RBFOX1: variants seen among roughly 807,000 people sequenced by gnomAD.
RBFOX1 encodes the protein RNA binding protein fox-1 homolog 1.
RBFOX1 carries 8 observed loss-of-function variants against 57.7 expected under a neutral mutation model. That is an observed-to-expected ratio of 0.14 (90% CI 0.08 to 0.25). RBFOX1 has a LOEUF of 0.25. RBFOX1 is among the 10% of genes least tolerant of loss of function. The probability of loss-of-function intolerance (pLI) is 1.00; values close to 1 mark genes in which losing one functional copy is unlikely to be tolerated. For missense variants in RBFOX1, 611 were observed against 548.5 expected (o/e 1.11, Z -1.14); for synonymous variants, 326 against 222.4 (o/e 1.47, Z -4.15).
At chr16:6,851,234 C>T (rs376078609) in intron 3 of RBFOX1, among the ~76,000 whole-genome samples, 3 of 152,096 alleles carry the variant, frequency 2.0e-5, no homozygotes, top group African/African-American at 7.2e-5. Flanking sequence ...GTTTAAAATT[C>T]TAGATATAGA....
At chr16:7,326,412 G>A (rs1016695665) in intron 4 of RBFOX1, among the ~76,000 whole-genome samples, 4 of 152,122 alleles carry the variant, frequency 2.6e-5, no homozygotes, top group Admixed American at 6.6e-5. Flanking sequence ...TTTACTGGGG[G>A]GATAATAGAA....
intron 4 of RBFOX1, among the ~76,000 whole-genome samples, chr16:7,084,639 T>A (rs1034974438): frequency 2.0e-4 from 30 of 152,338 alleles, no homozygotes; most frequent in South Asian, 6.2e-4. Context: ...TTCTTCAAAT[T>A]GAGCTTCAAA....
At chr16:7,218,081 G>GTGTC (rs2092393748) in intron 4 of RBFOX1, among the ~76,000 whole-genome samples, 1 of 55,018 alleles carries the variant, frequency 1.8e-5, no homozygotes, top group African/African-American at 9.1e-5. Context: ...GTGTGCGTCT[G>GTGTC]TGTGTGTGTG....
At chr16:6,829,902 C>G (rs1023922174) in intron 3 of RBFOX1, among the ~76,000 whole-genome samples, 1 of 148,060 alleles carries the variant, frequency 6.8e-6, no homozygotes, top group Admixed American at 6.7e-5. Context: ...ATGCCCAGCC[C>G]TTTATTTTTA....
At chr16:6,696,835 T>A (rs1191354501) in intron 3 of RBFOX1, among the ~76,000 whole-genome samples, 1 of 152,210 alleles carries the variant, frequency 6.6e-6, no homozygotes, top group East Asian at 1.9e-4. Context: ...TTGATTTTCT[T>A]CAAGGTTGTG....
At chr16:5,468,022 C>T (rs552746107) in intron 2 of RBFOX1, among the ~76,000 whole-genome samples, 14 of 152,096 alleles carry the variant, frequency 9.2e-5, no homozygotes, top group African/African-American at 1.9e-4. Flanking sequence ...TGTGGGGAGG[C>T]GGAATCTATG....
intron 4 of RBFOX1, among the ~76,000 whole-genome samples, chr16:7,173,492 CTT>C (rs147286538): frequency 1.9e-4 from 29 of 150,354 alleles, no homozygotes; most frequent in African/African-American, 7.1e-4. Flanking sequence ...CCATTTGACA[CTT>C]TTTTTTTTCT....
rs181101045 is a variant in RBFOX1 at position 6,989,318 on chromosome 16, A to G, written c.-15-62739A>G. On this transcript the variant is annotated intron_variant, in intron 3 of 15. Transcript: ENST00000550418. ...TCTATGAAGATATATTTACAATTAT[A>G]TGTGCTTCTCTCTGTCTATCTGTAT... Among the ~76,000 whole-genome samples, 530 of 152,336 alleles carry G rather than the reference A, an allele frequency of 3.5e-3. 4 individuals are homozygous for G. The highest frequency in any genetic ancestry group is 2.0e-3 in the Non-Finnish European group (137 of 68,040).
chr16:6,655,437 A>G (rs1460260781), intron 3 of RBFOX1, among the ~76,000 whole-genome samples: 1 of 150,610 alleles, frequency 6.6e-6, no homozygotes, highest in Non-Finnish European at 1.5e-5. Context: ...CAACACATCA[A>G]CACATTCATA....
intron 2 of RBFOX1, among the ~76,000 whole-genome samples, chr16:6,351,366 A>T (rs1405986390): frequency 0.012 from 1,152 of 98,964 alleles, 21 homozygotes; most frequent in African/African-American, 0.049. Context: ...ATATATATAT[A>T]TATATATTTT....
intron 12 of RBFOX1, among the ~76,000 whole-genome samples, chr16:7,659,760 A>G (rs2067228331): frequency 6.6e-6 from 1 of 152,202 alleles, no homozygotes; most frequent in Non-Finnish European, 1.5e-5. Flanking sequence ...TGCTAGTTTT[A>G]AAATGTAATC....
chr16:5,621,947 G>A (rs1481724594), intron 3 of RBFOX1, among the ~76,000 whole-genome samples: 1 of 152,202 alleles, frequency 6.6e-6, no homozygotes, highest in East Asian at 1.9e-4. Context: ...CACTGGCCCA[G>A]CATCTCCTGG....
intron 1 of RBFOX1, among the ~76,000 whole-genome samples, chr16:5,298,817 A>T (rs1329123327): frequency 2.5e-5 from 1 of 40,042 alleles, no homozygotes; most frequent in Non-Finnish European, 5.0e-5. Flanking sequence ...GGAGAAACAA[A>T]GGAAAAGAGG....
chr16:6,697,056 A>G (rs2061158447), intron 3 of RBFOX1, among the ~76,000 whole-genome samples: 1 of 152,234 alleles, frequency 6.6e-6, no homozygotes. Context: ...TGGCCAATGC[A>G]AAATTATTTA....
intron 4 of RBFOX1, among the ~76,000 whole-genome samples, chr16:7,426,387 AGGCTGCCGAATTG>A (rs1248904439): frequency 3.9e-5 from 6 of 152,202 alleles, no homozygotes; most frequent in Non-Finnish European, 8.8e-5. Context: ...CCATGGGCAC[AGGCTGCCGAATTG>A]GGCCTGTTTT....
At chr16:5,944,963 A>AT in intron 4 of RBFOX1, among the ~76,000 whole-genome samples, 1 of 103,854 alleles carries the variant, frequency 9.6e-6, no homozygotes, top group African/African-American at 4.0e-5. Flanking sequence ...AGACTCTGTC[A>AT]TAAAAAAAAA....
At position 6,681,182 on chromosome 16, in the gene RBFOX1, C is replaced by T. The variant is rs539650560; in HGVS notation, c.-16+26532C>T. Among the ~76,000 whole-genome samples the T allele has an allele frequency of 1.1e-4, 16 of 152,128 alleles. No homozygotes were observed. In the East Asian group the frequency reaches 2.9e-3, roughly 28 times the overall value. On this transcript the variant is annotated intron_variant, in intron 3 of 15. Transcript: ENST00000550418. ...CAAAAATTAGCCAGGCATGATGGCACGTGCCTGTAGTCCCAGTTACTTGGG... is the reference window on the plus strand; with the variant it reads ...CAAAAATTAGCCAGGCATGATGGCATGTGCCTGTAGTCCCAGTTACTTGGG...
At chr16:5,365,097 A>G (rs759334947) in intron 1 of RBFOX1, among the ~76,000 whole-genome samples, 14 of 152,076 alleles carry the variant, frequency 9.2e-5, no homozygotes, top group Middle Eastern at 3.2e-3. Context: ...TTAATGACCT[A>G]CTTACTGCTG....
intron 4 of RBFOX1, among the ~76,000 whole-genome samples, chr16:7,366,814 C>G (rs1304977265): frequency 6.6e-6 from 1 of 152,016 alleles, no homozygotes; most frequent in Admixed American, 6.5e-5. Context: ...AGTGAAAGTA[C>G]ATTAGGAGAC....
Sources: allele counts gnomAD v4.1 joint callset (sites outside exome capture counted in the v4.1 genomes callset), GRCh38; gene constraint gnomAD v4.1.1; transcripts MANE v1.5; gene names NCBI Gene and HGNC (gene_info 2026-07-23, HGNC 2026-07-21).